Variants in RPTOR observed in about 807,000 individuals in gnomAD.
RPTOR encodes regulatory-associated protein of mTOR.
Under a neutral mutation model 169.9 loss-of-function variants are expected in RPTOR, and 21 were observed. The ratio of observed to expected loss-of-function variants is 0.12; its 90% CI spans 0.09 to 0.18. The LOEUF is 0.18. RPTOR is among the 10% of genes least tolerant of loss of function. The pLI, the probability that RPTOR is intolerant of heterozygous loss-of-function variation, is 1.00. For synonymous variants in RPTOR, 732 were observed against 753.2 expected (o/e 0.97, Z 0.46); for missense variants, 1,133 against 1,855.9 (o/e 0.61, Z 7.16).
At chr17:80,774,950 G>T (rs1265985153) in intron 6 of RPTOR, among the ~76,000 whole-genome samples, 1 of 152,238 alleles carries the variant, frequency 6.6e-6, no homozygotes, top group Non-Finnish European at 1.5e-5. Flanking sequence ...GGCCCCGCCT[G>T]TGCGTAGTCG....
intron 5 of RPTOR, among the ~76,000 whole-genome samples, chr17:80,744,369 ACGAGCACAGCC>A (rs1567888555): frequency 2.8e-4 from 32 of 114,464 alleles, no homozygotes; most frequent in South Asian, 5.1e-4. Flanking sequence ...TGTCCTGGTT[ACGAGCACAGCC>A]CTGGTTACGA....
chr17:80,594,155 G>A (rs1244475957), intron 1 of RPTOR, among the ~76,000 whole-genome samples: 4 of 151,944 alleles, frequency 2.6e-5, no homozygotes, highest in African/African-American at 4.8e-5. Flanking sequence ...GTGCAGTGGT[G>A]CGATCTCGGC....
chr17:80,741,880 A>G (rs2316057), intron 5 of RPTOR, among the ~76,000 whole-genome samples: 84,178 of 151,962 alleles, frequency 0.55, 23,549 homozygotes, highest in African/African-American at 0.59. Context: ...CTGACAGACC[A>G]GACCAGAGAA....
chr17:80,575,106 T>C (rs1467352016), intron 1 of RPTOR, among the ~76,000 whole-genome samples: 1 of 152,190 alleles, frequency 6.6e-6, no homozygotes, highest in Non-Finnish European at 1.5e-5. Context: ...TCTTTTCTAG[T>C]GTATGCACTT....
intron 24 of RPTOR, among the ~76,000 whole-genome samples, chr17:80,934,047 T>G (rs1292376841): frequency 6.6e-6 from 1 of 150,426 alleles, no homozygotes; most frequent in Non-Finnish European, 1.5e-5. Context: ...ACTCTAAAAT[T>G]TAGATGAAAT....
intron 3 of RPTOR, among the ~76,000 whole-genome samples, chr17:80,671,015 A>T (rs1372375958): frequency 6.6e-6 from 1 of 152,098 alleles, no homozygotes; most frequent in African/African-American, 2.4e-5. Context: ...TTGAGCCCCT[A>T]AAGCACCTGG....
intron 6 of RPTOR, among the ~76,000 whole-genome samples, chr17:80,756,181 G>C (rs2066679259): frequency 6.9e-6 from 1 of 145,674 alleles, no homozygotes; most frequent in Non-Finnish European, 1.6e-5. Flanking sequence ...CACAGGGGTA[G>C]GTTAGTTATG....
chr17:80,726,988 C>T lies in RPTOR; in HGVS notation c.508-3572C>T, dbSNP rs535668097. ...ACCTGTGAGCGCAGCCTGCAAGCTC[C>T]GGCTCCAGGAGGAAGCGTGCTCAAG... On this transcript the variant is annotated intron_variant, in intron 4 of 33. Coordinates refer to ENST00000306801, the MANE Select transcript of RPTOR (RefSeq NM_020761.3). This position sits in a 1 kb window ranked among gnomAD's most constrained non-coding sequence, Gnocchi z 4.5. Among the ~76,000 whole-genome samples, 8 of 152,234 alleles carry T rather than the reference C, an allele frequency of 5.3e-5. No homozygotes were observed. Among genetic ancestry groups the T allele is most frequent in the African/African-American group, 1.9e-4 (8 of 41,536 alleles).
intron 5 of RPTOR, among the ~76,000 whole-genome samples, chr17:80,748,680 G>T (rs1356473274): frequency 9.9e-6 from 1 of 100,912 alleles, no homozygotes; most frequent in Non-Finnish European, 2.0e-5. Context: ...ACTGCGGTGT[G>T]TGTTTAGAGG....
intron 21 of RPTOR, among the ~76,000 whole-genome samples, chr17:80,916,857 G>A (rs1249845093): frequency 1.3e-5 from 2 of 152,092 alleles, no homozygotes; most frequent in Non-Finnish European, 2.9e-5. Flanking sequence ...GTGTGGTGAT[G>A]CACTCTTGTA....
In RPTOR at chr17:80,896,481, C is replaced by T. The variant is rs1184874206; in HGVS notation, c.2401+2616C>T. On this transcript the variant is annotated intron_variant, in intron 20 of 33. Transcript: ENST00000306801. The stretch of plus-strand genomic sequence containing the variant: ...CACACGGCCGCACCGACACATCCCA[C>T]GGCCGCACCGACACACCCCACGGCC... Among the ~76,000 whole-genome samples, 3 of 125,310 alleles carry T rather than the reference C, an allele frequency of 2.4e-5. 1 individual carries two copies. Among genetic ancestry groups the T allele is most frequent in the African/African-American group, 6.7e-5 (2 of 29,862 alleles). 82.2% of individuals were successfully genotyped at this position (125,310 alleles called of 152,430 possible).
At chr17:80,786,862 T>A (rs1203310504) in intron 6 of RPTOR, among the ~76,000 whole-genome samples, 1 of 152,254 alleles carries the variant, frequency 6.6e-6, no homozygotes, top group East Asian at 1.9e-4. Context: ...TGAAGCCACT[T>A]GTTTGCGTAC....
intron 24 of RPTOR, among the ~76,000 whole-genome samples, chr17:80,925,809 G>A (rs2068805192): frequency 6.6e-6 from 1 of 152,230 alleles, no homozygotes; most frequent in Admixed American, 6.5e-5. Flanking sequence ...GCGTGGCTCC[G>A]AGGTCTGGGG....
intron 3 of RPTOR, among the ~76,000 whole-genome samples, chr17:80,672,681 T>C (rs2065831039): frequency 1.3e-5 from 2 of 151,830 alleles, no homozygotes; most frequent in African/African-American, 4.8e-5. Flanking sequence ...TCCCAGCTAC[T>C]TTGGAGGCTG....
In RPTOR at chr17:80,965,990, C is replaced by A. The variant is rs1387811263; in HGVS notation, c.*1660C>A. The A allele has an allele frequency of 1.3e-5, 3 of 233,324 alleles. No homozygotes were observed. Among genetic ancestry groups the A allele is most frequent in the Non-Finnish European group, 2.5e-5 (3 of 118,168 alleles). 14.5% of individuals were successfully genotyped at this position (233,324 alleles called of 1,614,324 possible). A position where few individuals can be genotyped will look rare whatever the true frequency, so the allele number is the denominator to read the frequency against. On this transcript the variant is annotated 3_prime_UTR_variant, in exon 34 of 34. Transcript: ENST00000306801. ...GCAACACCAGAATCTTCCAGAAGCC[C>A]AGCTCCACCCGCACACGCAGCTTCC...
intron 1 of RPTOR, among the ~76,000 whole-genome samples, chr17:80,622,139 G>A (rs1375932005): frequency 1.3e-5 from 2 of 152,214 alleles, no homozygotes; most frequent in East Asian, 1.9e-4. Context: ...TCCCACAGAG[G>A]GACCCTGCAG....
intron 2 of RPTOR, among the ~76,000 whole-genome samples, chr17:80,632,693 G>A (rs1444071475): frequency 6.6e-6 from 1 of 152,152 alleles, no homozygotes; most frequent in Non-Finnish European, 1.5e-5. Flanking sequence ...CCTGGTCCTG[G>A]TGATGGTGGT....
chr17:80,895,006 G>T (rs1012885278), intron 20 of RPTOR, among the ~76,000 whole-genome samples: 1 of 152,226 alleles, frequency 6.6e-6, no homozygotes, highest in Non-Finnish European at 1.5e-5. Flanking sequence ...TGGTCATCTA[G>T]GTTTTGTTCC....
chr17:80,744,259 C>T (rs147633182), intron 5 of RPTOR, among the ~76,000 whole-genome samples: 145 of 1,354 alleles, frequency 0.11, 4 homozygotes, highest in Middle Eastern at 0.5. Context: ...ACTGTCCTGG[C>T]TACTAGCACA....
Sources: gnomAD v4.1 joint callset for allele counts (sites outside exome capture counted in the v4.1 genomes callset) on GRCh38, gnomAD v4.1.1 for gene constraint, Gnocchi (gnomAD v3.1) non-coding constraint, MANE v1.5 for transcripts, NCBI Gene and HGNC (gene_info 2026-07-23, HGNC 2026-07-21) for gene names.